KMT2C: variants seen among roughly 807,000 people sequenced by gnomAD.
KMT2C encodes the protein lysine methyltransferase 2C.
Under a neutral mutation model 507.9 loss-of-function variants are expected in KMT2C, and 88 were observed. The observed-to-expected ratio is 0.17, with a 90% CI of 0.15 to 0.21. KMT2C has a LOEUF of 0.21. Ranked by LOEUF, KMT2C falls within the 10% of genes least tolerant of loss-of-function variation. KMT2C has a pLI of 1.00. For synonymous variants in KMT2C, 2,049 were observed against 2,080.8 expected (o/e 0.98, Z 0.42); for missense variants, 4,954 against 5,957.8 (o/e 0.83, Z 5.55).
At chr7:152,272,581 CTT>C (rs2095997697) in intron 7 of KMT2C, among the ~76,000 whole-genome samples, 1 of 152,150 alleles carries the variant, frequency 6.6e-6, no homozygotes, top group Non-Finnish European at 1.5e-5. Context: ...GCATGAAGTT[CTT>C]CTCTTCCAGA....
At chr7:152,326,346 A>C (rs1254365869) in intron 3 of KMT2C, among the ~76,000 whole-genome samples, 2 of 152,082 alleles carry the variant, frequency 1.3e-5, no homozygotes, top group Admixed American at 6.6e-5. Flanking sequence ...TGTGATCCTT[A>C]ATCTTTCCAA....
chr7:152,282,296 CAAA>C (rs1299162491), intron 6 of KMT2C, among the ~76,000 whole-genome samples: 9 of 102,662 alleles, frequency 8.8e-5, no homozygotes, highest in Admixed American at 3.2e-4. Context: ...GACCTTGTCT[CAAA>C]AAAAAAAAAA....
At chr7:152,312,756 C>T (rs1206153402) in intron 4 of KMT2C, among the ~76,000 whole-genome samples, 2 of 152,174 alleles carry the variant, frequency 1.3e-5, no homozygotes, top group Non-Finnish European at 2.9e-5. Flanking sequence ...ATAAAAATGG[C>T]TATTGTACTT....
chr7:152,187,664 T>G, intron 32 of KMT2C, 51 bp downstream of exon 32: 1 of 1,579,464 alleles, frequency 6.3e-7, no homozygotes, highest in South Asian at 1.2e-5. Flanking sequence ...TATATATAAA[T>G]CAAACAGAAA....
At position 152,162,568 on chromosome 7, in the gene KMT2C, T is replaced by C. The variant is rs879219321; in HGVS notation, c.11009A>G (p.Asn3670Ser). The C allele has an allele frequency of 4.3e-6, 7 of 1,614,198 alleles. No individual in the cohort carries two copies. Among genetic ancestry groups the C allele is most frequent in the Admixed American group, 1.7e-5 (1 of 60,032 alleles). ...TGTACATAGCTGGCCTGCTGCCATATTGGGAGTGGATGGGCCGACTGGTTC... is the reference window on the plus strand; with the variant it reads ...TGTACATAGCTGGCCTGCTGCCATACTGGGAGTGGATGGGCCGACTGGTTC... The part of the protein sequence containing the change: ...SVEPVGPSTP[N>S]MAAGQLCTEL... The change falls in exon 43 of 59, where the codon AAT (asparagine) becomes AGT (serine). Residue 3670 changes from asparagine (N) to serine (S), a missense_variant. Coordinates refer to ENST00000262189, the MANE Select transcript of KMT2C (RefSeq NM_170606.3).
chr7:152,387,111 G>A (rs1174201717), intron 1 of KMT2C, among the ~76,000 whole-genome samples: 1 of 151,984 alleles, frequency 6.6e-6, no homozygotes, highest in Non-Finnish European at 1.5e-5. Context: ...ACCAGAATAA[G>A]ATATTTTTTA....
At chr7:152,196,503 C>T (rs2093966612) in intron 27 of KMT2C, among the ~76,000 whole-genome samples, 1 of 152,124 alleles carries the variant, frequency 6.6e-6, no homozygotes, top group South Asian at 2.1e-4. Context: ...GCTGTTCATA[C>T]TGATTACTCA....
intron 21 of KMT2C, among the ~76,000 whole-genome samples, chr7:152,222,363 T>C (rs2094802356): frequency 6.6e-6 from 1 of 152,226 alleles, no homozygotes; most frequent in African/African-American, 2.4e-5. Flanking sequence ...ATCTAAAGTA[T>C]ATGCTTTTTA....
At chr7:152,372,084 G>A (rs1441259257) in intron 1 of KMT2C, among the ~76,000 whole-genome samples, 1 of 152,188 alleles carries the variant, frequency 6.6e-6, no homozygotes, top group Admixed American at 6.5e-5. Flanking sequence ...CAAAATGGCA[G>A]TAGTAACTCC....
intron 52 of KMT2C, among the ~76,000 whole-genome samples, chr7:152,147,794 C>T (rs1035721943): frequency 7.3e-5 from 11 of 151,250 alleles, no homozygotes; most frequent in Non-Finnish European, 1.3e-4. Context: ...ACAAATCATT[C>T]TCGGATTTAC....
chr7:152,191,534 A>G (rs1032729449), intron 31 of KMT2C, among the ~76,000 whole-genome samples: 16 of 152,198 alleles, frequency 1.1e-4, no homozygotes, highest in Non-Finnish European at 1.3e-4. Flanking sequence ...AGTCTCAACC[A>G]CAATAACCTC....
chr7:152,230,308 T>C lies in KMT2C; in HGVS notation c.2783A>G (p.Asp928Gly), dbSNP rs773059152. Reference protein sequence around the residue: ...AVVLPGVSTADISSNKDDEEN... With the variant: ...AVVLPGVSTAGISSNKDDEEN... The stretch of plus-strand genomic sequence containing the variant: ...TTCATCATCCTTATTTGATGAAATA[T>C]CTGCAGTAGACACCTATAAAAAGCA... The change falls in exon 17 of 59, where the codon GAT becomes GGT. Residue 928 changes from aspartate (D) to glycine (G), a missense_variant. This residue lies in a region of KMT2C where 62 missense variants were observed against 137.2 expected (regional missense o/e 0.45). Transcript: ENST00000262189. The C allele has an allele frequency of 1.9e-6, 3 of 1,570,740 alleles. No individual in the cohort carries two copies. Among genetic ancestry groups the C allele is most frequent in the Non-Finnish European group, 2.6e-6 (3 of 1,149,282 alleles).
intron 1 of KMT2C, among the ~76,000 whole-genome samples, chr7:152,421,656 T>A (rs2097777947): frequency 6.6e-6 from 1 of 152,232 alleles, no homozygotes. Flanking sequence ...AAATACTGTG[T>A]GTTCTAACTT....
chr7:152,295,411 T>C (rs778856816), intron 6 of KMT2C, among the ~76,000 whole-genome samples: 10 of 152,202 alleles, frequency 6.6e-5, no homozygotes, highest in Non-Finnish European at 1.5e-4. Context: ...TTCTTACGTA[T>C]GTGCCATTTT....
chr7:152,378,423 G>A (rs2097345612), intron 1 of KMT2C, among the ~76,000 whole-genome samples: 1 of 152,264 alleles, frequency 6.6e-6, no homozygotes, highest in Non-Finnish European at 1.5e-5. Flanking sequence ...TGAAAGCTCA[G>A]ATGATCAGTA....
In KMT2C at chr7:152,136,577, AG is replaced by A. The variant is rs542717961; in HGVS notation, c.*254del. The A allele has an allele frequency of 2.2e-4, 88 of 391,312 alleles. No homozygotes were observed. In the South Asian group the frequency reaches 3.8e-3, roughly 17 times the overall value. The allele number at this position is 391,312 out of a possible 1,614,324, so 24.2% of individuals were successfully genotyped here. ...CAAACAAAAAAAAAAGAAAAGGAAA[AG>A]AAAAAAAAGCAAAAGTGCTGGACCA... is the stretch of plus-strand genomic sequence containing the variant. On this transcript the variant is annotated 3_prime_UTR_variant, in exon 59 of 59. Coordinates refer to ENST00000262189, the MANE Select transcript of KMT2C (RefSeq NM_170606.3).
rs1307059017 is a variant in KMT2C at position 152,327,740 on chromosome 7, C to T, written c.389+2861G>A. 7.9e-5 allele frequency among the ~76,000 whole-genome samples: 12 copies of T among 152,100 alleles called. No homozygotes were observed. The East Asian group carries it at 1.2e-3, about 15-fold the overall frequency. The stretch of plus-strand genomic sequence containing the variant: ...TTGGGAGGCCAAGGCGGGTGGATCA[C>T]GAGGTCAGGAGATCAAGGCCATCCT... On this transcript the variant is annotated intron_variant, in intron 3 of 58. Transcript: ENST00000262189.
intron 49 of KMT2C, 89 bp from the exon 50 acceptor site, chr7:152,151,670 A>G: frequency 1.0e-6 from 1 of 969,040 alleles, no homozygotes; most frequent in Non-Finnish European, 1.5e-6. Context: ...TCAACTCATT[A>G]CAACATGGTT....
At chr7:152,380,135 G>A (rs1392124468) in intron 1 of KMT2C, among the ~76,000 whole-genome samples, 2 of 152,302 alleles carry the variant, frequency 1.3e-5, no homozygotes, top group East Asian at 3.8e-4. Flanking sequence ...GGGAGGCTGA[G>A]GCAGGAGAAT....
Sources: allele counts gnomAD v4.1 joint callset (sites outside exome capture counted in the v4.1 genomes callset), GRCh38; gene constraint gnomAD v4.1.1; regional missense constraint gnomAD v4.1.1; transcripts MANE v1.5; gene names NCBI Gene and HGNC (gene_info 2026-07-23, HGNC 2026-07-21).